PCDHGA2: variants seen among roughly 807,000 people sequenced by gnomAD.
PCDHGA2 encodes the protein protocadherin gamma subfamily A, 2, also known as protocadherin gamma-A2.
A neutral mutation model predicts 59.2 loss-of-function variants in PCDHGA2; 40 were observed. The observed-to-expected ratio is 0.68, with a 90% confidence interval of 0.52 to 0.88. PCDHGA2 has a LOEUF of 0.88. Among genes scored for constraint, PCDHGA2 ranks in the 40% least tolerant of loss-of-function variants. PCDHGA2 has a pLI of 0.00. For missense variants in PCDHGA2, 1,226 were observed against 1,204.0 expected, an observed-to-expected ratio of 1.02 and a Z score of -0.27; for synonymous variants, 560 against 526.0, an observed-to-expected ratio of 1.06 and a Z score of -0.89.
intron 1 of PCDHGA2, among the ~76,000 whole-genome samples, chr5:141,380,866 A>G (rs945856253): frequency 3.3e-5 from 5 of 152,264 alleles, no homozygotes; most frequent in Admixed American, 3.3e-4. Context: ...GAGAGCTATA[A>G]CCTCCAAACA....
chr5:141,397,379 T>C (rs1470838357), intron 1 of PCDHGA2, among the ~76,000 whole-genome samples: 1 of 152,206 alleles, frequency 6.6e-6, no homozygotes, highest in East Asian at 1.9e-4. Context: ...TGGGGATTGG[T>C]ATAAAATTGC....
At chr5:141,462,651 CA>C (rs60282352) in intron 1 of PCDHGA2, among the ~76,000 whole-genome samples, 42,411 of 152,004 alleles carry the variant, frequency 0.28, 6,634 homozygotes, top group African/African-American at 0.43. Flanking sequence ...TTTCCATCCT[CA>C]ATTATCTTCA....
Position 141,352,019 on chromosome 5 carries a change from G to C in PCDHGA2, c.2424+10624G>C, listed in dbSNP as rs767715715. 9.0e-5 allele frequency: 145 copies of C among 1,609,570 alleles called. 3 individuals are homozygous for C. In the South Asian group the frequency reaches 1.5e-3, roughly 17 times the overall value. On this transcript the variant is annotated intron_variant, in intron 1 of 3. Transcript: ENST00000394576. Reference sequence around the variant, plus strand: ...AGAGCCCGGCTACCTGGTGACCAAGGTGGTGGCGGTGGACGCAGACTCAGG... The same window carrying C: ...AGAGCCCGGCTACCTGGTGACCAAGCTGGTGGCGGTGGACGCAGACTCAGG...
At chr5:141,403,163 A>G (rs1357883715) in intron 1 of PCDHGA2, 1 of 1,614,052 alleles carries the variant, frequency 6.2e-7, no homozygotes, top group Admixed American at 1.7e-5. Context: ...CTCTAGAGGT[A>G]GGACGCAGCT....
chr5:141,402,642 A>C (rs1236156893), intron 1 of PCDHGA2, among the ~76,000 whole-genome samples: 2 of 152,240 alleles, frequency 1.3e-5, no homozygotes, highest in Non-Finnish European at 2.9e-5. Flanking sequence ...TAAAATCATA[A>C]TTAGAAGAGA....
chr5:141,399,751 G>C, intron 1 of PCDHGA2: 1 of 1,613,322 alleles, frequency 6.2e-7, no homozygotes, highest in South Asian at 1.1e-5. Context: ...CAGCGCAAAC[G>C]TGAGCCTGCG....
chr5:141,383,943 T>C (rs1229813206), intron 1 of PCDHGA2: 1 of 1,613,674 alleles, frequency 6.2e-7, no homozygotes, highest in Admixed American at 1.7e-5. Flanking sequence ...CAGAAGTGAC[T>C]ATGACGTCTT....
At chr5:141,410,839 T>G in intron 1 of PCDHGA2, 2 of 481,442 alleles carry the variant, frequency 4.2e-6, no homozygotes, top group Non-Finnish European at 6.8e-6. Context: ...TGAAGATATT[T>G]TGTCTTTGTC....
In PCDHGA2 at chr5:141,490,654, C is replaced by A; in HGVS notation, c.2425-4153C>A. On this transcript the variant is annotated intron_variant, in intron 1 of 3. Transcript: ENST00000394576. The surrounding 1 kb of genome is among the most constrained non-coding windows in gnomAD (Gnocchi z 5.4). ...CCTAGAAAACCGGCCTCCGGGCTCC[C>A]TTCTTTGCACTGTGGCTGCCTCAGA... 6.2e-7 allele frequency: 1 copy of A among 1,614,206 alleles called. No individual in the cohort carries two copies. Among genetic ancestry groups the A allele is most frequent in the Non-Finnish European group, 8.5e-7 (1 of 1,180,014 alleles).
At chr5:141,389,572 C>T in intron 1 of PCDHGA2, 3 of 1,613,282 alleles carry the variant, frequency 1.9e-6, no homozygotes, top group Non-Finnish European at 2.5e-6. Flanking sequence ...GTGCTGTACC[C>T]CGCGCTGGGT....
intron 1 of PCDHGA2, chr5:141,405,626 C>G (rs1329214735): frequency 3.7e-6 from 2 of 538,556 alleles, no homozygotes; most frequent in South Asian, 5.3e-5. Context: ...AGGCACGTGC[C>G]ACCACGCCCG....
intron 1 of PCDHGA2, chr5:141,395,535 C>A: frequency 3.6e-5 from 12 of 331,892 alleles, no homozygotes; most frequent in Admixed American, 5.0e-5. Context: ...GGTAATTTTG[C>A]TATTGTTTGT....
intron 1 of PCDHGA2, chr5:141,398,280 C>T (rs1001902282): frequency 1.4e-5 from 19 of 1,405,808 alleles, no homozygotes; most frequent in Non-Finnish European, 1.8e-5. Context: ...GGAACCTCGC[C>T]ACGGACCTGG....
At chr5:141,361,514 AC>A in intron 1 of PCDHGA2, 1 of 1,614,028 alleles carries the variant, frequency 6.2e-7, no homozygotes, top group South Asian at 1.1e-5. Context: ...TACATGGTTC[AC>A]GTGGCAGAGA....
intron 1 of PCDHGA2, chr5:141,400,586 A>G (rs963844263): frequency 6.2e-7 from 1 of 1,607,730 alleles, no homozygotes; most frequent in Non-Finnish European, 8.5e-7. Context: ...TTTACATGAA[A>G]CTATCGTACA....
In PCDHGA2 at chr5:141,503,993, C is replaced by T. The variant is rs376134059; in HGVS notation, c.2484-1400C>T. Reference sequence around the variant, plus strand: ...GTGCCAAACCCTTCTTCTTACCTTACAGTCACTTAACTGTCTCTGCTGGTC... The same window carrying T: ...GTGCCAAACCCTTCTTCTTACCTTATAGTCACTTAACTGTCTCTGCTGGTC... On this transcript the variant is annotated intron_variant, in intron 2 of 3. Transcript: ENST00000394576. Among the ~76,000 whole-genome samples, 13 of 152,312 alleles carry T rather than the reference C, an allele frequency of 8.5e-5. 1 individual carries two copies. In the East Asian group the frequency reaches 1.7e-3, roughly 20 times the overall value.
chr5:141,377,582 T>A (rs1774132578), intron 1 of PCDHGA2: 1 of 150,722 alleles, frequency 6.6e-6, no homozygotes. Flanking sequence ...GGAGACAGAA[T>A]GAGACTTTTT....
chr5:141,420,905 T>TA (rs545324172), intron 1 of PCDHGA2: 3 of 299,970 alleles, frequency 1.0e-5, no homozygotes, highest in Non-Finnish European at 1.9e-5. Flanking sequence ...GCTCTACAAA[T>TA]ACGTGTGATT....
Position 141,420,249 on chromosome 5 carries a change from A to C in PCDHGA2, c.2425-74558A>C. 4 of 1,580,072 alleles carry C rather than the reference A, an allele frequency of 2.5e-6. No homozygotes were observed. In the Admixed American group the frequency reaches 7.3e-5, roughly 29 times the overall value. On this transcript the variant is annotated intron_variant, in intron 1 of 3. Transcript: ENST00000394576. The stretch of plus-strand genomic sequence containing the variant: ...GCTAGCATTTTAACTCCCAGCGTTG[A>C]AGCAGATAAGAAGATTCTTAAACAG...
Sources: gnomAD v4.1 joint callset for allele counts (sites outside exome capture counted in the v4.1 genomes callset) on GRCh38, gnomAD v4.1.1 for gene constraint, Gnocchi (gnomAD v3.1) non-coding constraint, MANE v1.5 for transcripts, NCBI Gene and HGNC (gene_info 2026-07-23, HGNC 2026-07-21) for gene names.